The following PRR5L variants were observed in gnomAD, a reference collection of about 807,000 sequenced individuals.
PRR5L encodes proline-rich protein 5-like.
In PRR5L, 21 loss-of-function variants were observed where a neutral mutation model predicts 36.4. The observed-to-expected ratio is 0.58, with a 90% confidence interval of 0.41 to 0.83. The LOEUF is 0.83. Among genes scored for constraint, PRR5L ranks in the 40% least tolerant of loss-of-function variants. The pLI, the probability that PRR5L is intolerant of heterozygous loss-of-function variation, is 0.00. For missense variants in PRR5L, 381 were observed against 473.3 expected, an observed-to-expected ratio of 0.80 and a Z score of 1.81; for synonymous variants, 188 against 197.0, an observed-to-expected ratio of 0.95 and a Z score of 0.38.
At chr11:36,422,461 G>A (rs1423375371) in intron 4 of PRR5L, among the ~76,000 whole-genome samples, 2 of 152,158 alleles carry the variant, frequency 1.3e-5, no homozygotes, top group African/African-American at 2.4e-5. Flanking sequence ...TGGGTGCTGG[G>A]CTCTGCATTG....
intron 8 of PRR5L, among the ~76,000 whole-genome samples, 198 bp from the exon 9 acceptor site, chr11:36,462,144 G>C (rs763217421): frequency 6.6e-6 from 1 of 152,158 alleles, no homozygotes; most frequent in Non-Finnish European, 1.5e-5. Context: ...TTACAGGCAG[G>C]ATCTGGCATA....
chr11:36,364,335 G>A (rs1486499180), intron 1 of PRR5L, among the ~76,000 whole-genome samples: 4 of 152,014 alleles, frequency 2.6e-5, no homozygotes, highest in Non-Finnish European at 5.9e-5. Context: ...TCCTTCTCTC[G>A]TGAGGTCTGT....
intron 1 of PRR5L, among the ~76,000 whole-genome samples, chr11:36,389,827 G>A (rs552678342): frequency 6.6e-6 from 1 of 152,208 alleles, no homozygotes; most frequent in Admixed American, 6.5e-5. Flanking sequence ...TGGCCAGGCT[G>A]GTCTCGAACT....
At chr11:36,370,560 G>A (rs1857187245) in intron 1 of PRR5L, among the ~76,000 whole-genome samples, 1 of 152,178 alleles carries the variant, frequency 6.6e-6, no homozygotes, top group Admixed American at 6.5e-5. Context: ...ACTTAGGATT[G>A]TGGGAAGGAA....
chr11:36,451,380 G>C, intron 8 of PRR5L, 45 bp downstream of exon 8: 1 of 1,609,664 alleles, frequency 6.2e-7, no homozygotes, highest in Non-Finnish European at 8.5e-7. Context: ...CAGTGATCAT[G>C]ATACCAGCAC....
Position 36,462,694 on chromosome 11 carries a change from C to A in PRR5L, c.1065C>A (p.Gly355=). ...ACGGACTGGAGGAGGGGGCCAGGGG[C>A]AGCCAGGAGGGCTCGGAGCTGAACT... ...NPDGLEEGAR[G]SQEGSELNCA... The change falls in exon 9 of 9, where the codon GGC becomes GGA. Residue 355 remains glycine (G), a synonymous_variant. Transcript: ENST00000530639. 1 of 1,599,772 alleles carries A rather than the reference C, an allele frequency of 6.3e-7. No homozygotes were observed. The highest frequency in any genetic ancestry group is 8.5e-7 in the Non-Finnish European group (1 of 1,173,638).
chr11:36,390,687 AT>A lies in PRR5L; in HGVS notation c.-125-10306del, dbSNP rs201014695. Among the ~76,000 whole-genome samples the A allele has an allele frequency of 7.8e-3, 1,194 of 152,330 alleles. 9 individuals are homozygous for A. The highest frequency in any genetic ancestry group is 0.013 in the Non-Finnish European group (918 of 68,028). ...ATATGAGGTATGAAATAAATGAGGC[AT>A]TTTAACCCAGTAATCATGAATAAAT... On this transcript the variant is annotated intron_variant, in intron 1 of 8. Coordinates refer to ENST00000530639, the MANE Select transcript of PRR5L (RefSeq NM_001160167.2).
At chr11:36,400,069 T>G (rs1857758047) in intron 1 of PRR5L, among the ~76,000 whole-genome samples, 1 of 152,232 alleles carries the variant, frequency 6.6e-6, no homozygotes, top group Non-Finnish European at 1.5e-5. Context: ...TCCCAGCAAC[T>G]GCTACAAGGG....
intron 1 of PRR5L, among the ~76,000 whole-genome samples, chr11:36,338,646 C>T (rs2133478304): frequency 1.3e-5 from 2 of 152,270 alleles, no homozygotes; most frequent in East Asian, 1.9e-4. Context: ...CCTCATAGTT[C>T]ACATGTGACA....
chr11:36,450,228 C>G (rs917237298), intron 7 of PRR5L, among the ~76,000 whole-genome samples: 2 of 152,226 alleles, frequency 1.3e-5, no homozygotes, highest in Non-Finnish European at 2.9e-5. Context: ...CCCTGAAACA[C>G]TGCACTGGAG....
At chr11:36,342,609 G>A (rs977785923) in intron 1 of PRR5L, among the ~76,000 whole-genome samples, 2 of 152,120 alleles carry the variant, frequency 1.3e-5, no homozygotes, top group Admixed American at 6.5e-5. Context: ...ACCCTGAATG[G>A]AGAACTCTCA....
chr11:36,455,993 C>G (rs989162641), intron 8 of PRR5L, among the ~76,000 whole-genome samples: 3 of 152,218 alleles, frequency 2.0e-5, no homozygotes, highest in African/African-American at 7.2e-5. Context: ...GCTGTAGCCT[C>G]TCCTGTGAGT....
At chr11:36,449,676 C>T (rs988003960) in intron 7 of PRR5L, among the ~76,000 whole-genome samples, 4 of 152,180 alleles carry the variant, frequency 2.6e-5, no homozygotes, top group Non-Finnish European at 5.9e-5. Flanking sequence ...CTCCCATCAG[C>T]ATTTGACACT....
At chr11:36,368,095 G>A (rs1857162860) in intron 1 of PRR5L, among the ~76,000 whole-genome samples, 1 of 152,114 alleles carries the variant, frequency 6.6e-6, no homozygotes, top group Non-Finnish European at 1.5e-5. Flanking sequence ...GTAGATTGGA[G>A]AACAAGGTCA....
At chr11:36,297,587 C>CAGGT (rs1856326468) in intron 1 of PRR5L, among the ~76,000 whole-genome samples, 1 of 152,092 alleles carries the variant, frequency 6.6e-6, no homozygotes, top group South Asian at 2.1e-4. Context: ...TTTTTTTCAG[C>CAGGT]AGGTCCTCCC....
At chr11:36,393,809 C>G (rs1857605706) in intron 1 of PRR5L, 1 of 152,192 alleles carries the variant, frequency 6.6e-6, no homozygotes, top group Admixed American at 6.5e-5. Flanking sequence ...AATCAGTGAA[C>G]ATGGAATGTC....
At chr11:36,402,509 CTGGGATT>C (rs1857819116) in intron 2 of PRR5L, among the ~76,000 whole-genome samples, 1 of 152,176 alleles carries the variant, frequency 6.6e-6, no homozygotes, top group African/African-American at 2.4e-5. Flanking sequence ...TCCCAAAGTG[CTGGGATT>C]ACAGGCGTGA....
chr11:36,409,659 A>G (rs927186436), intron 3 of PRR5L, among the ~76,000 whole-genome samples: 7 of 152,248 alleles, frequency 4.6e-5, no homozygotes, highest in Non-Finnish European at 8.8e-5. Flanking sequence ...GGCTGATGCC[A>G]TAGACCAGTC....
At chr11:36,430,539 G>A (rs1161241566) in intron 4 of PRR5L, among the ~76,000 whole-genome samples, 2 of 152,160 alleles carry the variant, frequency 1.3e-5, no homozygotes, top group Non-Finnish European at 2.9e-5. Flanking sequence ...TTGATAAAAT[G>A]TTCTATTAGT....
Sources: gnomAD v4.1 joint callset for allele counts (sites outside exome capture counted in the v4.1 genomes callset) on GRCh38, gnomAD v4.1.1 for gene constraint, MANE v1.5 for transcripts, NCBI Gene and HGNC (gene_info 2026-07-23, HGNC 2026-07-21) for gene names.